Variants in KAT2A observed in about 807,000 individuals in gnomAD.
KAT2A encodes histone acetyltransferase KAT2A.
Under a neutral mutation model 95.2 loss-of-function variants are expected in KAT2A, and 42 were observed. The ratio of observed to expected loss-of-function variants is 0.44; its 90% CI spans 0.34 to 0.57. The LOEUF (loss-of-function observed/expected upper bound fraction) is 0.57, where lower values mean the gene tolerates loss of function less well. Ranked by LOEUF, KAT2A falls within the 20% of genes least tolerant of loss-of-function variation. The probability of loss-of-function intolerance (pLI) is 0.01; values close to 1 mark genes in which losing one functional copy is unlikely to be tolerated. For synonymous variants in KAT2A, 449 were observed against 448.2 expected (o/e 1.00, Z -0.02); for missense variants, 784 against 1,126.3 (o/e 0.70, Z 4.35).
Position 42,114,051 on chromosome 17 carries a change from C to G in KAT2A, c.2269G>C (p.Val757Leu). The G allele has an allele frequency of 6.5e-7, 1 of 1,527,110 alleles. No individual in the cohort carries two copies. Among genetic ancestry groups the G allele is most frequent in the South Asian group, 1.2e-5 (1 of 80,118 alleles). The allele number at this position is 1,527,110 out of a possible 1,614,324, so 94.6% of individuals were successfully genotyped here. Residue 757 changes from valine to leucine, a missense_variant, in exon 17 of 18, where the codon GTG (valine) becomes CTG (leucine). By Grantham distance (32) the Val-to-Leu change is conservative (BLOSUM62 1). Transcript: ENST00000225916. The surrounding 1 kb of genome is among the most constrained non-coding windows in gnomAD (Gnocchi z 6.0). ...TAGTCAGGGGCCTCCGACTTCTTCACAGGCTCCATGAAGGGCCAGGCACTG... is the reference window on the plus strand; with the variant it reads ...TAGTCAGGGGCCTCCGACTTCTTCAGAGGCTCCATGAAGGGCCAGGCACTG... ...HPSAWPFMEP[V>L]KKSEAPDYYE...
At position 42,115,708 on chromosome 17, in the gene KAT2A, G is replaced by A. The variant is rs375406171; in HGVS notation, c.1875+15C>T. On this transcript the variant is annotated intron_variant, in intron 12 of 17. Transcript: ENST00000225916. ...TCCAGGCAAAGGACCGGTGTGGGACGAGGCTACGGGTCACCTGCTTTTTGA... is the reference window on the plus strand; with the variant it reads ...TCCAGGCAAAGGACCGGTGTGGGACAAGGCTACGGGTCACCTGCTTTTTGA... 85 of 1,530,758 alleles carry A rather than the reference G, an allele frequency of 5.6e-5. No homozygotes were observed. The highest frequency in any genetic ancestry group is 7.6e-5 in the Non-Finnish European group (84 of 1,104,148). 94.8% of individuals were successfully genotyped at this position (1,530,758 alleles called of 1,614,324 possible).
rs1274459620 is a variant in KAT2A at position 42,114,703 on chromosome 17, C to T, written c.2020-99G>A. 44 of 1,220,522 alleles carry T rather than the reference C, an allele frequency of 3.6e-5. No individual in the cohort carries two copies. The East Asian group carries it at 4.1e-4, about 11-fold the overall frequency. The allele number at this position is 1,220,522 out of a possible 1,614,324, so 75.6% of individuals were successfully genotyped here. ...ACTGGCTGCACCCACCCAGCTGCAA[C>T]GCCACCTAATCCAGCACCTCCCCTC... is the stretch of plus-strand genomic sequence containing the variant. On this transcript the variant is annotated intron_variant, in intron 13 of 17. Transcript: ENST00000225916. This position sits in a 1 kb window ranked among gnomAD's most constrained non-coding sequence, Gnocchi z 6.0.
Position 42,113,778 on chromosome 17 carries a change from G to T in KAT2A, c.2385C>A (p.Ala795=), listed in dbSNP as rs781930670. Residue 795 remains alanine, a synonymous_variant, in exon 18 of 18, where the codon GCC becomes GCA. Coordinates refer to ENST00000225916, the MANE Select transcript of KAT2A (RefSeq NM_021078.3). ...RYYVTRKLFV[A]DLQRVIANCR... is the part of the protein sequence containing the mutation. ...AGTTGGCGATGACCCGCTGCAGGTCGGCCACAAAGAGCTTCCGGGTCACGT... is the reference window on the plus strand; with the variant it reads ...AGTTGGCGATGACCCGCTGCAGGTCTGCCACAAAGAGCTTCCGGGTCACGT... 6.2e-7 allele frequency: 1 copy of T among 1,609,676 alleles called. No individual in the cohort carries two copies. The highest frequency in any genetic ancestry group is 2.2e-5 in the East Asian group (1 of 44,686).
chr17:42,118,066 G>T, intron 7 of KAT2A, 49 bp from the exon 8 acceptor site: 1 of 1,303,264 alleles, frequency 7.7e-7, no homozygotes, highest in South Asian at 1.3e-5. Flanking sequence ...GCTGAGGAGA[G>T]AGAGAGAGAA....
At position 42,117,493 on chromosome 17, in the gene KAT2A, T is replaced by C; in HGVS notation, c.1532A>G (p.Lys511Arg). ...FHVIGNSLTP[K>R]ANRRVLLWLV... ...CCACAGCAACACCCGCCGGTTGGCCTTGGGCGTCAGTGAGTTGCCGATGAC... is the reference window on the plus strand; with the variant it reads ...CCACAGCAACACCCGCCGGTTGGCCCTGGGCGTCAGTGAGTTGCCGATGAC... Residue 511 changes from lysine to arginine, a missense_variant, in exon 10 of 18, where the codon AAG becomes AGG. Lys to Arg is a conservative substitution (Grantham distance 26). This residue lies in a region of KAT2A where 174 missense variants were observed against 324.9 expected (regional missense o/e 0.54). Coordinates refer to ENST00000225916, the MANE Select transcript of KAT2A (RefSeq NM_021078.3). The surrounding 1 kb of genome is among the most constrained non-coding windows in gnomAD (Gnocchi z 8.9). 4 of 1,613,748 alleles carry C rather than the reference T, an allele frequency of 2.5e-6. No individual in the cohort carries two copies. The highest frequency in any genetic ancestry group is 3.4e-6 in the Non-Finnish European group (4 of 1,180,046).
intron 17 of KAT2A, 72 bp from the exon 18 acceptor site, chr17:42,113,914 C>G (rs2054209733): frequency 1.3e-6 from 2 of 1,482,112 alleles, no homozygotes; most frequent in South Asian, 2.7e-5. Context: ...CCAGGGTGGG[C>G]CCCCTGGGGC....
At chr17:42,115,278 C>T (rs2054239575) in intron 12 of KAT2A, among the ~76,000 whole-genome samples, 1 of 138,942 alleles carries the variant, frequency 7.2e-6, no homozygotes, top group Non-Finnish European at 1.5e-5. Flanking sequence ...CCCCCAGTTC[C>T]TCTAGCCTCC....
intron 6 of KAT2A, chr17:42,118,904 T>C: frequency 3.9e-6 from 2 of 513,014 alleles, no homozygotes; most frequent in Non-Finnish European, 5.6e-6. Context: ...GGAGTAGAAA[T>C]TGGTTTCACT....
Position 42,120,079 on chromosome 17 carries a change from AC to A in KAT2A, c.649del (p.Val217TrpfsTer20). 6.2e-7 allele frequency: 1 copy of A among 1,614,168 alleles called. No individual in the cohort carries two copies. Among genetic ancestry groups the A allele is most frequent in the Non-Finnish European group, 8.5e-7 (1 of 1,180,006 alleles). ...TGGAGGGCTGCCCAGGGACCCCTCC[AC>A]CACAGGCCGGGTCATCTGCAGGATG... is the stretch of plus-strand genomic sequence containing the variant. ...KCILQMTRPVVEGSLGSPPFE... is the reference protein window; with the variant it reads ...KCILQMTRPVXEGSLGSPPFE... On this transcript the variant is annotated frameshift_variant, in exon 4 of 18. Transcript: ENST00000225916. LOFTEE classifies it high-confidence loss of function.
In KAT2A at chr17:42,113,726, C is replaced by T. The variant is rs1172723924; in HGVS notation, c.2437G>A (p.Glu813Lys). Residue 813 changes from glutamate (E) to lysine (K), a missense_variant, in exon 18 of 18, where the codon GAG becomes AAG. Glu to Lys is a moderately conservative substitution (Grantham distance 56). Around this residue, in one of 6 missense-constraint regions of KAT2A, gnomAD observed 195 missense variants for 247.1 expected, o/e 0.79. Transcript: ENST00000225916. The stretch of plus-strand genomic sequence containing the variant: ...AGGGCGCTGGCACAGCGGCAGTACT[C>T]GCTGTCCGGGGGGTTGTACTCGCGA... ...NCREYNPPDS[E>K]YCRCASALEK... The T allele has an allele frequency of 1.2e-5, 19 of 1,611,750 alleles. No homozygotes were observed. The highest frequency in any genetic ancestry group is 1.4e-5 in the Non-Finnish European group (17 of 1,179,306).
At position 42,117,124 on chromosome 17, in the gene KAT2A, C is replaced by A. The variant is rs782298114; in HGVS notation, c.1675G>T (p.Val559Phe). ...KTLALIKDGR[V>F]IGGICFRMFP... The stretch of plus-strand genomic sequence containing the variant: ...ATGCGGAAGCAGATGCCACCGATGA[C>A]CCGCCCATCCTTGATCAAGGCCAGA... Residue 559 changes from valine (V) to phenylalanine (F), a missense_variant, in exon 11 of 18, where the codon GTC (valine) becomes TTC (phenylalanine). Val to Phe is a conservative substitution (Grantham distance 50, BLOSUM62 -1). Coordinates refer to ENST00000225916, the MANE Select transcript of KAT2A (RefSeq NM_021078.3). The surrounding 1 kb of genome is among the most constrained non-coding windows in gnomAD (Gnocchi z 8.9). 2.5e-6 allele frequency: 4 copies of A among 1,614,128 alleles called. No homozygotes were observed. Among genetic ancestry groups the A allele is most frequent in the Non-Finnish European group, 3.4e-6 (4 of 1,180,048 alleles).
chr17:42,120,570 GCA>G, intron 2 of KAT2A, 134 bp downstream of exon 2: 1 of 1,276,046 alleles, frequency 7.8e-7, no homozygotes, highest in Non-Finnish European at 1.1e-6. Context: ...CCCCCTTGGT[GCA>G]CACCCCCCCC....
rs1382911384 is a variant in KAT2A at position 42,113,389 on chromosome 17, G to A, written c.*260C>T. On this transcript the variant is annotated 3_prime_UTR_variant, in exon 18 of 18. Coordinates refer to ENST00000225916, the MANE Select transcript of KAT2A (RefSeq NM_021078.3). ...CTGGGGGCCACCACGGCTGGGCAAGGTTCATCCCTGGCCACCAGCTACTCT... is the reference window on the plus strand; with the variant it reads ...CTGGGGGCCACCACGGCTGGGCAAGATTCATCCCTGGCCACCAGCTACTCT... 1.1e-5 allele frequency: 4 copies of A among 380,658 alleles called. No individual in the cohort carries two copies. The highest frequency in any genetic ancestry group is 4.3e-5 in the African/African-American group (2 of 46,756). The allele number at this position is 380,658 out of a possible 1,614,324, so 23.6% of individuals were successfully genotyped here.
chr17:42,116,050 G>C (rs1321697459), intron 11 of KAT2A, among the ~76,000 whole-genome samples: 3 of 152,234 alleles, frequency 2.0e-5, no homozygotes, highest in Non-Finnish European at 4.4e-5. Flanking sequence ...GCTAGGTGCA[G>C]TGCTTCCTGT....
In KAT2A at chr17:42,117,329, C is replaced by A; in HGVS notation, c.1637+59G>T. The A allele has an allele frequency of 3.2e-6, 5 of 1,584,642 alleles. No individual in the cohort carries two copies. In the South Asian group the frequency reaches 3.3e-5, roughly 11 times the overall value. Reference sequence around the variant, plus strand: ...TCCCCAATTTTGAGGAGTGAAGAGGCCGAGGAGGAAGGGAACTGGGTGTGC... The same window carrying A: ...TCCCCAATTTTGAGGAGTGAAGAGGACGAGGAGGAAGGGAACTGGGTGTGC... On this transcript the variant is annotated intron_variant, in intron 10 of 17. Coordinates refer to ENST00000225916, the MANE Select transcript of KAT2A (RefSeq NM_021078.3). This position sits in a 1 kb window ranked among gnomAD's most constrained non-coding sequence, Gnocchi z 8.9.
At position 42,114,588 on chromosome 17, in the gene KAT2A, A is replaced by G; in HGVS notation, c.2036T>C (p.Ile679Thr). Residue 679 changes from isoleucine to threonine, a missense_variant, in exon 14 of 18, where the codon ATT becomes ACT. Physicochemically the swap from Ile to Thr is moderately conservative, Grantham distance 89. Coordinates refer to ENST00000225916, the MANE Select transcript of KAT2A (RefSeq NM_021078.3). This position sits in a 1 kb window ranked among gnomAD's most constrained non-coding sequence, Gnocchi z 6.0. ...GCGGATCTGGGCCTGTTTGCGCTCA[A>G]TCAGCTTCTTGATGATCTGAGGGAA... is the stretch of plus-strand genomic sequence containing the variant. ...KKQKEIIKKL[I>T]ERKQAQIRKV... is the part of the protein sequence containing the mutation. The G allele has an allele frequency of 3.7e-6, 6 of 1,613,762 alleles. No individual in the cohort carries two copies. The highest frequency in any genetic ancestry group is 2.2e-5 in the East Asian group (1 of 44,874).
Position 42,119,666 on chromosome 17 carries a change from C to T in KAT2A, c.752G>A (p.Arg251Gln), listed in dbSNP as rs2054308388. The change falls in exon 5 of 18, where the codon CGG (arginine) becomes CAG (glutamine). Residue 251 changes from arginine to glutamine, a missense_variant. Physicochemically the swap from Arg to Gln is conservative, Grantham distance 43. This residue lies in a region of KAT2A where 208 missense variants were observed against 339.7 expected (regional missense o/e 0.61). Coordinates refer to ENST00000225916, the MANE Select transcript of KAT2A (RefSeq NM_021078.3). This position sits in a 1 kb window ranked among gnomAD's most constrained non-coding sequence, Gnocchi z 5.3. ...YKFSHLAPRE[R>Q]QTMFELSKMF... The stretch of plus-strand genomic sequence containing the variant: ...CTTTGAGAGCTCGAACATCGTCTGC[C>T]GCTCCCGGGGAGCCAGGTGACTAAA... 2.5e-6 allele frequency: 4 copies of T among 1,613,640 alleles called. No individual in the cohort carries two copies. The highest frequency in any genetic ancestry group is 2.2e-5 in the South Asian group (2 of 91,034).
In KAT2A at chr17:42,117,465, G is replaced by C. The variant is rs537910665; in HGVS notation, c.1560C>G (p.Leu520=). 3 of 1,613,406 alleles carry C rather than the reference G, an allele frequency of 1.9e-6. No homozygotes were observed. In the East Asian group the frequency reaches 6.7e-5, roughly 36 times the overall value. ...PKANRRVLLW[L]VGLQNVFSHQ... ...GGGAAAAGACATTCTGCAGCCCCACGAGCCACAGCAACACCCGCCGGTTGG... is the reference window on the plus strand; with the variant it reads ...GGGAAAAGACATTCTGCAGCCCCACCAGCCACAGCAACACCCGCCGGTTGG... The change falls in exon 10 of 18, where the codon CTC becomes CTG. Residue 520 remains leucine (L), a synonymous_variant. Coordinates refer to ENST00000225916, the MANE Select transcript of KAT2A (RefSeq NM_021078.3). This position sits in a 1 kb window ranked among gnomAD's most constrained non-coding sequence, Gnocchi z 8.9.
chr17:42,113,533 C>T lies in KAT2A; in HGVS notation c.*116G>A, dbSNP rs1326022128. 9.9e-7 allele frequency: 1 copy of T among 1,005,402 alleles called. No individual in the cohort carries two copies. Among genetic ancestry groups the T allele is most frequent in the Admixed American group, 2.5e-5 (1 of 40,434 alleles). The allele number at this position is 1,005,402 out of a possible 1,614,324, so 62.3% of individuals were successfully genotyped here. On this transcript the variant is annotated 3_prime_UTR_variant, in exon 18 of 18. Coordinates refer to ENST00000225916, the MANE Select transcript of KAT2A (RefSeq NM_021078.3). ...GCTGCAGGATCGGGTCCGGAGGACC[C>T]TTGGCTGGAGTGTCTCAAGCTGAGT...
Sources: gnomAD v4.1 joint callset for allele counts (sites outside exome capture counted in the v4.1 genomes callset) on GRCh38, gnomAD v4.1.1 for gene constraint, gnomAD v4.1.1 regional missense constraint, Gnocchi (gnomAD v3.1) non-coding constraint, MANE v1.5 for transcripts, NCBI Gene and HGNC (gene_info 2026-07-23, HGNC 2026-07-21) for gene names.